ADK: variants seen among roughly 807,000 people sequenced by gnomAD.
The protein encoded by ADK is N6,N6-dimethyladenosine kinase.
A neutral mutation model predicts 44.7 loss-of-function variants in ADK; 24 were observed. That is an observed-to-expected ratio of 0.54 (90% CI 0.39 to 0.76). ADK has a LOEUF of 0.76. ADK is among the 30% of genes least tolerant of loss of function. The pLI is 0.00. For synonymous variants in ADK, 128 were observed against 142.6 expected (o/e 0.90, Z 0.73); for missense variants, 321 against 425.1 (o/e 0.76, Z 2.15).
At position 74,165,730 on chromosome 10, in the gene ADK, T is replaced by C. The variant is rs540566155; in HGVS notation, c.65+14387T>C. ...AAATTGAGAAGCTGTCAGTAAATTC[T>C]GTATGTGCTAGATAAGCACCCTGTT... On this transcript the variant is annotated intron_variant, in intron 1 of 10. Transcript: ENST00000539909. Among the ~76,000 whole-genome samples, 3 of 152,308 alleles carry C rather than the reference T, an allele frequency of 2.0e-5. No individual in the cohort carries two copies. In the East Asian group the frequency reaches 5.8e-4, roughly 29 times the overall value.
At chr10:74,684,978 T>C (rs372501389) in intron 10 of ADK, among the ~76,000 whole-genome samples, 2 of 152,196 alleles carry the variant, frequency 1.3e-5, no homozygotes, top group South Asian at 2.1e-4. Flanking sequence ...TGATGCACGT[T>C]GTGCAAAAGG....
At chr10:74,243,492 T>C (rs1413311907) in intron 3 of ADK, among the ~76,000 whole-genome samples, 1 of 152,248 alleles carries the variant, frequency 6.6e-6, no homozygotes, top group Non-Finnish European at 1.5e-5. Flanking sequence ...TTTTAGTTCA[T>C]AAAATTGTGG....
chr10:74,353,884 C>A (rs1842049619), intron 4 of ADK, among the ~76,000 whole-genome samples: 1 of 152,046 alleles, frequency 6.6e-6, no homozygotes, highest in Non-Finnish European at 1.5e-5. Flanking sequence ...AAAAAAACTT[C>A]AGTTTACTTG....
intron 1 of ADK, among the ~76,000 whole-genome samples, chr10:74,192,095 G>A (rs557731832): frequency 1.3e-5 from 2 of 152,224 alleles, no homozygotes; most frequent in Admixed American, 1.3e-4. Context: ...CGTTTAAGTT[G>A]TTGTGTGTGT....
At chr10:74,247,398 C>T (rs1845466866) in intron 3 of ADK, among the ~76,000 whole-genome samples, 1 of 151,538 alleles carries the variant, frequency 6.6e-6, no homozygotes, top group Non-Finnish European at 1.5e-5. Flanking sequence ...GCCACCATGC[C>T]TGGCTAATTT....
intron 6 of ADK, among the ~76,000 whole-genome samples, chr10:74,501,996 C>T (rs1447458282): frequency 1.3e-5 from 2 of 152,040 alleles, no homozygotes. Context: ...TTAAAGAAAT[C>T]AGTTGATTTA....
At chr10:74,378,923 A>G (rs564396943) in intron 4 of ADK, among the ~76,000 whole-genome samples, 83 of 152,258 alleles carry the variant, frequency 5.5e-4, no homozygotes, top group African/African-American at 1.9e-3. Flanking sequence ...CAACATAGCA[A>G]GATCCCATCT....
chr10:74,527,615 G>C (rs1324234795), intron 7 of ADK: 7 of 784,108 alleles, frequency 8.9e-6, no homozygotes, highest in Non-Finnish European at 1.7e-5. Flanking sequence ...GGTGCAGTGA[G>C]AGCAGCTTCA....
At chr10:74,283,228 C>T (rs965490228) in intron 3 of ADK, among the ~76,000 whole-genome samples, 10 of 152,008 alleles carry the variant, frequency 6.6e-5, no homozygotes, top group African/African-American at 1.9e-4. Flanking sequence ...TTATAACGAC[C>T]TTTATCTCCA....
At chr10:74,539,810 T>C (rs1485651000) in intron 7 of ADK, among the ~76,000 whole-genome samples, 1 of 152,192 alleles carries the variant, frequency 6.6e-6, no homozygotes, top group African/African-American at 2.4e-5. Flanking sequence ...GTAAAATTGC[T>C]GCTCAGCTCC....
intron 6 of ADK, among the ~76,000 whole-genome samples, chr10:74,459,925 C>T (rs1589132937): frequency 6.6e-6 from 1 of 152,118 alleles, no homozygotes; most frequent in African/African-American, 2.4e-5. Context: ...GTGTTCCCAC[C>T]CCAACCCAAG....
intron 7 of ADK, among the ~76,000 whole-genome samples, chr10:74,554,568 A>G (rs1320467230): frequency 6.6e-6 from 1 of 152,190 alleles, no homozygotes; most frequent in Non-Finnish European, 1.5e-5. Context: ...AAGAATGGTA[A>G]AGCTTAGAAC....
chr10:74,283,910 G>A (rs1488963959), intron 3 of ADK, among the ~76,000 whole-genome samples: 1 of 151,648 alleles, frequency 6.6e-6, no homozygotes, highest in African/African-American at 2.4e-5. Flanking sequence ...TTGATCTCCT[G>A]ACCTTGTGAT....
intron 2 of ADK, among the ~76,000 whole-genome samples, chr10:74,215,665 C>CTT (rs35998695): frequency 0.025 from 3,193 of 129,254 alleles, 74 homozygotes; most frequent in African/African-American, 0.044. Flanking sequence ...ATAAATCACT[C>CTT]TTTTTTTTTT....
At chr10:74,671,910 C>A (rs1855201931) in intron 10 of ADK, among the ~76,000 whole-genome samples, 1 of 152,180 alleles carries the variant, frequency 6.6e-6, no homozygotes, top group Admixed American at 6.5e-5. Flanking sequence ...CCGGCAACAA[C>A]AGATTCTGTT....
intron 6 of ADK, among the ~76,000 whole-genome samples, chr10:74,438,266 C>G (rs1322309706): frequency 2.6e-5 from 4 of 151,754 alleles, no homozygotes; most frequent in Non-Finnish European, 5.9e-5. Flanking sequence ...CCCCTGTCAC[C>G]CAGGCTGGAG....
At chr10:74,188,786 A>T (rs1289886358) in intron 1 of ADK, among the ~76,000 whole-genome samples, 1 of 148,450 alleles carries the variant, frequency 6.7e-6, no homozygotes, top group African/African-American at 2.5e-5. Flanking sequence ...TCATACATTC[A>T]TTCAGAGACG....
chr10:74,306,950 A>G (rs1840273005), intron 3 of ADK, among the ~76,000 whole-genome samples: 1 of 152,198 alleles, frequency 6.6e-6, no homozygotes, highest in Non-Finnish European at 1.5e-5. Context: ...TTAGGTTTTC[A>G]GTTTCCAATG....
At chr10:74,378,244 C>T (rs1183178730) in intron 4 of ADK, among the ~76,000 whole-genome samples, 1 of 152,058 alleles carries the variant, frequency 6.6e-6, no homozygotes, top group Admixed American at 6.6e-5. Context: ...CCAAAGCACT[C>T]AGAGTGAGAT....
Sources: gnomAD v4.1 joint callset for allele counts (sites outside exome capture counted in the v4.1 genomes callset) on GRCh38, gnomAD v4.1.1 for gene constraint, MANE v1.5 for transcripts, NCBI Gene and HGNC (gene_info 2026-07-23, HGNC 2026-07-21) for gene names.